The following GFOD1 variants were observed in gnomAD, a reference collection of about 807,000 sequenced individuals.
GFOD1 encodes the protein glucose-fructose oxidoreductase domain-containing protein 1.
A neutral mutation model predicts 25.4 loss-of-function variants in GFOD1; 9 were observed. The ratio of observed to expected loss-of-function variants is 0.35; its 90% CI spans 0.21 to 0.62. GFOD1 has a LOEUF of 0.62. Ranked by LOEUF, GFOD1 falls within the 20% of genes least tolerant of loss-of-function variation. The pLI is 0.72. For missense variants in GFOD1, 403 were observed against 556.9 expected (o/e 0.72, Z 2.78); for synonymous variants, 253 against 245.6 (o/e 1.03, Z -0.28).
At chr6:13,483,954 A>C (rs565146051) in intron 1 of GFOD1, among the ~76,000 whole-genome samples, 1 of 152,360 alleles carries the variant, frequency 6.6e-6, no homozygotes, top group South Asian at 2.1e-4. Flanking sequence ...GCTGCCTGGC[A>C]TACAGTATGT....
At chr6:13,395,353 G>C (rs536998) in intron 1 of GFOD1, among the ~76,000 whole-genome samples, 1 of 152,042 alleles carries the variant, frequency 6.6e-6, no homozygotes, top group Non-Finnish European at 1.5e-5. Flanking sequence ...TCTCCCAAGA[G>C]GCACTGGATC....
intron 1 of GFOD1, among the ~76,000 whole-genome samples, chr6:13,399,523 T>G (rs1785802228): frequency 6.6e-6 from 1 of 152,202 alleles, no homozygotes; most frequent in South Asian, 2.1e-4. Context: ...GATACCTTCA[T>G]AAAATAGAAT....
intron 1 of GFOD1, among the ~76,000 whole-genome samples, chr6:13,400,959 G>A (rs1348977204): frequency 2.0e-5 from 3 of 152,190 alleles, no homozygotes; most frequent in Non-Finnish European, 4.4e-5. Context: ...AAACAATGAT[G>A]TTCTGTCAAT....
rs144819725 is a variant in GFOD1 at position 13,410,691 on chromosome 6, C to T, written c.254-45029G>A. 3.0e-3 allele frequency among the ~76,000 whole-genome samples: 447 copies of T among 149,920 alleles called. 1 individual carries two copies. Among genetic ancestry groups the T allele is most frequent in the Non-Finnish European group, 5.3e-3 (358 of 67,652 alleles). On this transcript the variant is annotated intron_variant, in intron 1 of 1. Coordinates refer to ENST00000379287, the MANE Select transcript of GFOD1 (RefSeq NM_018988.4). ...GGTGGAAAGAAGGGGCATTAATTAC[C>T]CAATATGCTGGCAGAAAAAAGTAGA... is the stretch of plus-strand genomic sequence containing the variant.
intron 1 of GFOD1, among the ~76,000 whole-genome samples, chr6:13,455,920 G>A (rs868617677): frequency 3.3e-5 from 5 of 152,206 alleles, no homozygotes; most frequent in Admixed American, 2.0e-4. Context: ...CAGGATGGGA[G>A]TTTACTAGAG....
chr6:13,432,446 G>A (rs571092052), intron 1 of GFOD1, among the ~76,000 whole-genome samples: 3 of 151,926 alleles, frequency 2.0e-5, no homozygotes, highest in African/African-American at 4.8e-5. Context: ...TGGCTCATGC[G>A]ATCTTCCCAC....
intron 1 of GFOD1, among the ~76,000 whole-genome samples, chr6:13,380,309 G>A (rs543486694): frequency 1.2e-4 from 19 of 152,320 alleles, no homozygotes; most frequent in African/African-American, 4.6e-4. Flanking sequence ...ATAGTATATG[G>A]GAAAGTTTGT....
chr6:13,390,305 C>T (rs4715248), intron 1 of GFOD1, among the ~76,000 whole-genome samples: 58,120 of 152,000 alleles, frequency 0.38, 12,582 homozygotes, highest in African/African-American at 0.6. Context: ...TTATATAAAA[C>T]AGGGGCTGGG....
At chr6:13,406,625 C>A (rs1038974600) in intron 1 of GFOD1, among the ~76,000 whole-genome samples, 1 of 152,156 alleles carries the variant, frequency 6.6e-6, no homozygotes, top group African/African-American at 2.4e-5. Context: ...ATGCTAAGTG[C>A]AAAGATCTAG....
chr6:13,392,862 C>A (rs1184793513), intron 1 of GFOD1, among the ~76,000 whole-genome samples: 1 of 151,800 alleles, frequency 6.6e-6, no homozygotes, highest in Non-Finnish European at 1.5e-5. Context: ...TTGAAGCCAG[C>A]CTGGGCAACA....
chr6:13,429,276 G>A (rs185076756), intron 1 of GFOD1, among the ~76,000 whole-genome samples: 9 of 152,328 alleles, frequency 5.9e-5, no homozygotes, highest in Admixed American at 2.6e-4. Context: ...TCTCCTATGC[G>A]GCAGACACTG....
chr6:13,469,250 G>A, intron 1 of GFOD1: 1 of 985,472 alleles, frequency 1.0e-6, no homozygotes. Flanking sequence ...ACAGATGGAG[G>A]AATACATCAC....
chr6:13,439,066 G>A (rs146793948), intron 1 of GFOD1, among the ~76,000 whole-genome samples: 1 of 152,086 alleles, frequency 6.6e-6, no homozygotes, highest in Non-Finnish European at 1.5e-5. Context: ...CTGCAATCAG[G>A]GTACTCAGGG....
At chr6:13,429,240 C>T (rs996694026) in intron 1 of GFOD1, among the ~76,000 whole-genome samples, 2 of 152,218 alleles carry the variant, frequency 1.3e-5, no homozygotes, top group East Asian at 1.9e-4. Context: ...AGGGAAACAG[C>T]GCCACAGGCT....
chr6:13,381,408 C>G (rs960702266), intron 1 of GFOD1, among the ~76,000 whole-genome samples: 6 of 152,200 alleles, frequency 3.9e-5, no homozygotes, highest in African/African-American at 1.4e-4. Flanking sequence ...CCACCTAATA[C>G]AGTGAGGCCC....
intron 1 of GFOD1, among the ~76,000 whole-genome samples, chr6:13,452,706 C>G (rs1758120692): frequency 6.6e-6 from 1 of 152,174 alleles, no homozygotes; most frequent in Non-Finnish European, 1.5e-5. Context: ...GCAAAGCAGG[C>G]CTAACATTTA....
intron 1 of GFOD1, among the ~76,000 whole-genome samples, chr6:13,401,344 C>T (rs1054737615): frequency 1.3e-5 from 2 of 151,714 alleles, no homozygotes; most frequent in Non-Finnish European, 2.9e-5. Flanking sequence ...GAATCTGAGC[C>T]GTGTAGCAGA....
chr6:13,402,594 C>CT (rs750447159), intron 1 of GFOD1, among the ~76,000 whole-genome samples: 1 of 9,750 alleles, frequency 1.0e-4, no homozygotes, highest in Non-Finnish European at 3.3e-3. Context: ...CATCATCAGT[C>CT]TTTAGGGAAA....
intron 1 of GFOD1, among the ~76,000 whole-genome samples, chr6:13,485,705 G>A (rs1179521010): frequency 6.6e-6 from 1 of 152,126 alleles, no homozygotes; most frequent in Non-Finnish European, 1.5e-5. Flanking sequence ...GGGACCAGAT[G>A]GTGAGGCACC....
Sources: allele counts gnomAD v4.1 joint callset (sites outside exome capture counted in the v4.1 genomes callset), GRCh38; gene constraint gnomAD v4.1.1; transcripts MANE v1.5; gene names NCBI Gene and HGNC (gene_info 2026-07-23, HGNC 2026-07-21).